The following HOXA11 variants were observed in gnomAD, a reference collection of about 807,000 sequenced individuals.
HOXA11 encodes homeobox A11, also known as homeobox protein Hox-A11.
In HOXA11, 8 loss-of-function variants were observed where a neutral mutation model predicts 22.5. That is an observed-to-expected ratio of 0.36 (90% confidence interval 0.21 to 0.64). The LOEUF is 0.64. Ranked by LOEUF, HOXA11 falls within the 30% of genes least tolerant of loss-of-function variation. HOXA11 has a pLI of 0.67. For synonymous variants in HOXA11, 211 were observed against 188.4 expected, an observed-to-expected ratio of 1.12 and a Z score of -0.98; for missense variants, 388 against 429.0, an observed-to-expected ratio of 0.90 and a Z score of 0.84.
At chr7:27,183,747 TAA>T (rs61633228) in intron 1 of HOXA11, among the ~76,000 whole-genome samples, 580 of 53,602 alleles carry the variant, frequency 0.011, 5 homozygotes, top group African/African-American at 0.035. Flanking sequence ...GCTCCCCCTT[TAA>T]AAAAAAAAAA....
At position 27,184,652 on chromosome 7, in the gene HOXA11, C is replaced by T; in HGVS notation, c.493G>A (p.Ala165Thr). Residue 165 changes from alanine (A) to threonine (T), a missense_variant, in exon 1 of 2, where the codon GCC (alanine) becomes ACC (threonine). Around this residue, in one of 4 missense-constraint regions of HOXA11, gnomAD observed 295 missense variants for 281.1 expected, o/e 1.05. Coordinates refer to ENST00000006015, the MANE Select transcript of HOXA11 (RefSeq NM_005523.6). The part of the protein sequence containing the change: ...ASSDYPGDKS[A>T]EKGPPAATAT... ...GTGGCCGCCGGGGGCCCCTTCTCGG[C>T]GCTCTTGTCCCCGGGGTAGTCGGAG... is the stretch of plus-strand genomic sequence containing the variant. The T allele has an allele frequency of 1.2e-6, 2 of 1,606,168 alleles. No homozygotes were observed. Among genetic ancestry groups the T allele is most frequent in the South Asian group, 1.1e-5 (1 of 90,326 alleles).
rs1783790009 is a variant in HOXA11, at chr7:27,182,654, C to T, written c.*142G>A. 1 of 717,990 alleles carries T rather than the reference C, an allele frequency of 1.4e-6. No individual in the cohort carries two copies. The highest frequency in any genetic ancestry group is 2.6e-6 in the Non-Finnish European group (1 of 388,970). The allele number at this position is 717,990 out of a possible 1,614,324, so 44.5% of individuals were successfully genotyped here. A position where few individuals can be genotyped will look rare whatever the true frequency, so the allele number is the denominator to read the frequency against. ...CTTAATCAAGAGAGTCCCAGACCACCTCCTGTGGGGCTATCTCCATGCATC... is the reference window on the plus strand; with the variant it reads ...CTTAATCAAGAGAGTCCCAGACCACTTCCTGTGGGGCTATCTCCATGCATC... On this transcript the variant is annotated 3_prime_UTR_variant, in exon 2 of 2. Transcript: ENST00000006015.
chr7:27,184,486 C>T lies in HOXA11; in HGVS notation c.659G>A (p.Ser220Asn). The T allele has an allele frequency of 6.5e-7, 1 of 1,547,340 alleles. No homozygotes were observed. The highest frequency in any genetic ancestry group is 8.7e-7 in the Non-Finnish European group (1 of 1,146,726). Residue 220 changes from serine (S) to asparagine (N), a missense_variant, in exon 1 of 2, where the codon AGC becomes AAC. Transcript: ENST00000006015. ...GTGGCCGGAAGACGACTCGGGGCTG[C>T]TGCTGCTCTCGGGGCGCCGCCGCCG... ...KERRRRPESS[S>N]SPESSSGHTE...
chr7:27,184,781 C>T lies in HOXA11; in HGVS notation c.364G>A (p.Val122Ile). The stretch of plus-strand genomic sequence containing the variant: ...ACGGTGCTATAGAAATTGGACGAGA[C>T]TGCGGGGGTGGGGTGGTGGTAGACG... ...ANVYHHPTPA[V>I]SSNFYSTVGR... is the part of the protein sequence containing the mutation. The change falls in exon 1 of 2, where the codon GTC (valine) becomes ATC (isoleucine). Residue 122 changes from valine (V) to isoleucine (I), a missense_variant. Coordinates refer to ENST00000006015, the MANE Select transcript of HOXA11 (RefSeq NM_005523.6). 1 of 1,613,912 alleles carries T rather than the reference C, an allele frequency of 6.2e-7. No homozygotes were observed. Among genetic ancestry groups the T allele is most frequent in the South Asian group, 1.1e-5 (1 of 91,086 alleles).
chr7:27,184,530 C>G lies in HOXA11; in HGVS notation c.615G>C (p.Ala205=). 2 of 1,504,700 alleles carry G rather than the reference C, an allele frequency of 1.3e-6. No homozygotes were observed. Among genetic ancestry groups the G allele is most frequent in the South Asian group, 1.3e-5 (1 of 79,928 alleles). 93.2% of individuals were successfully genotyped at this position (1,504,700 alleles called of 1,614,324 possible). ...GCCGCCGCTCTTTCTCCTCTGCTGC[C>G]GCCGCCGTCTCCCGGCAGCCGCCGC... ...GGGGGCRETA[A]AAEEKERRRR... The change falls in exon 1 of 2, where the codon GCG becomes GCC. Residue 205 remains alanine, a synonymous_variant. Transcript: ENST00000006015.
chr7:27,184,797 G>C lies in HOXA11; in HGVS notation c.348C>G (p.His116Gln), dbSNP rs372937744. Residue 116 changes from histidine (H) to glutamine (Q), a missense_variant, in exon 1 of 2, where the codon CAC becomes CAG. By Grantham distance (24) the His-to-Gln change is conservative (BLOSUM62 0). This residue lies in a region of HOXA11 where 295 missense variants were observed against 281.1 expected (regional missense o/e 1.05). Transcript: ENST00000006015. ...TGGACGAGACTGCGGGGGTGGGGTGGTGGTAGACGTTGGCCGAGCTCTTGG... is the reference window on the plus strand; with the variant it reads ...TGGACGAGACTGCGGGGGTGGGGTGCTGGTAGACGTTGGCCGAGCTCTTGG... ...VLAKSSANVY[H>Q]HPTPAVSSNF... 1.4e-5 allele frequency: 22 copies of C among 1,613,934 alleles called. No individual in the cohort carries two copies. The African/African-American group carries it at 2.1e-4, about 16-fold the overall frequency.
chr7:27,182,291 G>A lies in HOXA11; in HGVS notation c.*505C>T. ...CACCTCAAAGCTACCTCCAAGTCCA[G>A]CCGCTGTTCACATTGGCTTTGGAAA... On this transcript the variant is annotated 3_prime_UTR_variant, in exon 2 of 2. Transcript: ENST00000006015. 1 of 268,136 alleles carries A rather than the reference G, an allele frequency of 3.7e-6. No homozygotes were observed. The highest frequency in any genetic ancestry group is 4.7e-5 in the Admixed American group (1 of 21,156). The allele number at this position is 268,136 out of a possible 1,614,324, so 16.6% of individuals were successfully genotyped here. A position where few individuals can be genotyped will look rare whatever the true frequency, so the allele number is the denominator to read the frequency against.
rs770195077 is a variant in HOXA11, at chr7:27,184,599, AGCC to A, written c.543_545del (p.Ala183del). On this transcript the variant is annotated inframe_deletion, in exon 1 of 2. Transcript: ENST00000006015. The stretch of plus-strand genomic sequence containing the variant: ...TTGAAGTTGCCGGCGCGCCCGTTGC[AGCC>A]GCCGCCGCCGCCGCGGAGGTCGCCG... The A allele has an allele frequency of 3.0e-4, 454 of 1,493,342 alleles. No individual in the cohort carries two copies. Among genetic ancestry groups the A allele is most frequent in the South Asian group, 5.1e-4 (39 of 77,154 alleles). 92.5% of individuals were successfully genotyped at this position (1,493,342 alleles called of 1,614,324 possible). A position where few individuals can be genotyped will look rare whatever the true frequency, so the allele number is the denominator to read the frequency against.
Position 27,181,429 on chromosome 7 carries a change from A to C in HOXA11, c.*1367T>G, listed in dbSNP as rs1347571907. 1 of 163,266 alleles carries C rather than the reference A, an allele frequency of 6.1e-6. No individual in the cohort carries two copies. The highest frequency in any genetic ancestry group is 1.2e-5 in the Non-Finnish European group (1 of 81,790). 10.1% of individuals were successfully genotyped at this position (163,266 alleles called of 1,614,324 possible). A position where few individuals can be genotyped will look rare whatever the true frequency, so the allele number is the denominator to read the frequency against. On this transcript the variant is annotated 3_prime_UTR_variant, in exon 2 of 2. Transcript: ENST00000006015. ...GCAAGAGATTAAAAAGACCATTCTC[A>C]ATACCTTTTCCACCCCCTCCAACAC...
Position 27,182,246 on chromosome 7 carries a change from A to G in HOXA11, c.*550T>C. On this transcript the variant is annotated 3_prime_UTR_variant, in exon 2 of 2. Coordinates refer to ENST00000006015, the MANE Select transcript of HOXA11 (RefSeq NM_005523.6). ...TGGAATCATAGATTTCTTTTCCCAC[A>G]AGGATTTGCAGCCCTCTTCCACCTC... 1 of 249,878 alleles carries G rather than the reference A, an allele frequency of 4.0e-6. No homozygotes were observed. The highest frequency in any genetic ancestry group is 7.9e-6 in the Non-Finnish European group (1 of 126,986). The allele number at this position is 249,878 out of a possible 1,614,324, so 15.5% of individuals were successfully genotyped here. A position where few individuals can be genotyped will look rare whatever the true frequency, so the allele number is the denominator to read the frequency against.
In HOXA11 at chr7:27,182,816, A is replaced by C. The variant is rs371730328; in HGVS notation, c.922T>G (p.Ser308Ala). The change falls in exon 2 of 2, where the codon TCA becomes GCA. Residue 308 changes from serine to alanine, a missense_variant. Physicochemically the swap from Ser to Ala is moderately conservative, Grantham distance 99. Around this residue, in one of 4 missense-constraint regions of HOXA11, gnomAD observed 55 missense variants for 90.8 expected, o/e 0.61. Coordinates refer to ENST00000006015, the MANE Select transcript of HOXA11 (RefSeq NM_005523.6). ...KINRDRLQYY[S>A]ANPLL is the part of the protein sequence containing the mutation. ...GAGTCTTAGAGGAGTGGATTTGCTGAGTAGTACTGTAAACGGTCTCTGTTA... is the reference window on the plus strand; with the variant it reads ...GAGTCTTAGAGGAGTGGATTTGCTGCGTAGTACTGTAAACGGTCTCTGTTA... 3.1e-6 allele frequency: 5 copies of C among 1,608,622 alleles called. No individual in the cohort carries two copies. Among genetic ancestry groups the C allele is most frequent in the Admixed American group, 1.7e-5 (1 of 60,026 alleles).
At chr7:27,184,181 G>A (rs1783817275) in intron 1 of HOXA11, among the ~76,000 whole-genome samples, 1 of 152,160 alleles carries the variant, frequency 6.6e-6, no homozygotes, top group African/African-American at 2.4e-5. Context: ...GGGCTTGGGA[G>A]CTGAGAAGGG....
At chr7:27,183,222 A>G (rs1184799949) in intron 1 of HOXA11, among the ~76,000 whole-genome samples, 194 bp from the exon 2 acceptor site, 1 of 152,230 alleles carries the variant, frequency 6.6e-6, no homozygotes, top group Non-Finnish European at 1.5e-5. Flanking sequence ...TCAGCCACAG[A>G]TAAAAGCCAG....
chr7:27,185,092 C>T lies in HOXA11; in HGVS notation c.53G>A (p.Cys18Tyr), dbSNP rs760959427. Reference protein sequence around the residue: ...PCSSNMYLPSCTYYVSGPDFS... With the variant: ...PCSSNMYLPSYTYYVSGPDFS... ...ATCTGGACCCGAGACGTAGTAAGTA[C>T]AACTTGGCAAATACATGTTAGAGGA... The change falls in exon 1 of 2, where the codon TGT (cysteine) becomes TAT (tyrosine). Residue 18 changes from cysteine (C) to tyrosine (Y), a missense_variant. Cys to Tyr is a radical substitution (Grantham distance 194). This residue lies in a region of HOXA11 where 26 missense variants were observed against 26.5 expected (regional missense o/e 0.98). Coordinates refer to ENST00000006015, the MANE Select transcript of HOXA11 (RefSeq NM_005523.6). The T allele has an allele frequency of 2.5e-6, 4 of 1,614,146 alleles. No homozygotes were observed. Among genetic ancestry groups the T allele is most frequent in the Non-Finnish European group, 1.7e-6 (2 of 1,180,030 alleles).
Position 27,182,253 on chromosome 7 carries a change from T to C in HOXA11, c.*543A>G, listed in dbSNP as rs1442209941. On this transcript the variant is annotated 3_prime_UTR_variant, in exon 2 of 2. Transcript: ENST00000006015. ...ATAGATTTCTTTTCCCACAAGGATT[T>C]GCAGCCCTCTTCCACCTCAAAGCTA... is the stretch of plus-strand genomic sequence containing the variant. The C allele has an allele frequency of 1.2e-5, 3 of 253,658 alleles. No homozygotes were observed. In the East Asian group the frequency reaches 1.7e-4, roughly 14 times the overall value. The allele number at this position is 253,658 out of a possible 1,614,324, so 15.7% of individuals were successfully genotyped here. A position where few individuals can be genotyped will look rare whatever the true frequency, so the allele number is the denominator to read the frequency against.
chr7:27,184,019 G>A, intron 1 of HOXA11, among the ~76,000 whole-genome samples: 1 of 152,012 alleles, frequency 6.6e-6, no homozygotes, highest in East Asian at 1.9e-4. Context: ...AATCCCGGCC[G>A]GGACTGGAGT....
In HOXA11 at chr7:27,181,700, A is replaced by G. The variant is rs1783770029; in HGVS notation, c.*1096T>C. On this transcript the variant is annotated 3_prime_UTR_variant, in exon 2 of 2. Transcript: ENST00000006015. ...TTTTAAAATTCGCTTTGGTTCCTTC[A>G]GGGAAATATATATATATATAATATA... 5.7e-6 allele frequency: 1 copy of G among 174,924 alleles called. No individual in the cohort carries two copies. Among genetic ancestry groups the G allele is most frequent in the African/African-American group, 2.4e-5 (1 of 42,190 alleles). The allele number at this position is 174,924 out of a possible 1,614,324, so 10.8% of individuals were successfully genotyped here. A position where few individuals can be genotyped will look rare whatever the true frequency, so the allele number is the denominator to read the frequency against.
Position 27,182,680 on chromosome 7 carries a change from C to T in HOXA11, c.*116G>A, listed in dbSNP as rs1457810580. 2.6e-6 allele frequency: 2 copies of T among 760,832 alleles called. No individual in the cohort carries two copies. Among genetic ancestry groups the T allele is most frequent in the Non-Finnish European group, 4.8e-6 (2 of 414,076 alleles). The allele number at this position is 760,832 out of a possible 1,614,324, so 47.1% of individuals were successfully genotyped here. Reference sequence around the variant, plus strand: ...TCCTGTGGGGCTATCTCCATGCATCCCTCTCTTGCACACCTCTTTTCAAAA... The same window carrying T: ...TCCTGTGGGGCTATCTCCATGCATCTCTCTCTTGCACACCTCTTTTCAAAA... On this transcript the variant is annotated 3_prime_UTR_variant, in exon 2 of 2. Coordinates refer to ENST00000006015, the MANE Select transcript of HOXA11 (RefSeq NM_005523.6).
At position 27,182,586 on chromosome 7, in the gene HOXA11, C is replaced by T. The variant is rs1783788991; in HGVS notation, c.*210G>A. The T allele has an allele frequency of 4.8e-6, 3 of 620,290 alleles. No individual in the cohort carries two copies. Among genetic ancestry groups the T allele is most frequent in the Non-Finnish European group, 8.7e-6 (3 of 343,938 alleles). 38.4% of individuals were successfully genotyped at this position (620,290 alleles called of 1,614,324 possible). A position where few individuals can be genotyped will look rare whatever the true frequency, so the allele number is the denominator to read the frequency against. ...ACCTGTCATTCTAGCTGATGCACAG[C>T]TCTCAGAATCCAATGATTATTAGGA... On this transcript the variant is annotated 3_prime_UTR_variant, in exon 2 of 2. Coordinates refer to ENST00000006015, the MANE Select transcript of HOXA11 (RefSeq NM_005523.6).
Sources: gnomAD v4.1 joint callset for allele counts (sites outside exome capture counted in the v4.1 genomes callset) on GRCh38, gnomAD v4.1.1 for gene constraint, gnomAD v4.1.1 regional missense constraint, MANE v1.5 for transcripts, NCBI Gene and HGNC (gene_info 2026-07-23, HGNC 2026-07-21) for gene names.